OLFML1: variants seen among roughly 807,000 people sequenced by gnomAD.
The protein encoded by OLFML1 is olfactomedin-like protein 1.
A neutral mutation model predicts 37.3 loss-of-function variants in OLFML1; 33 were observed. The observed-to-expected ratio is 0.88, with a 90% CI of 0.67 to 1.18. The LOEUF is 1.18. Among genes scored for constraint, OLFML1 ranks in the 50% most tolerant of loss-of-function variants. The pLI is 0.00. For missense variants in OLFML1, 545 were observed against 483.7 expected (o/e 1.13, Z -1.19); for synonymous variants, 186 against 181.3 (o/e 1.03, Z -0.21).
intron 2 of OLFML1, 82 bp from the exon 3 acceptor site, chr11:7,509,316 T>C: frequency 4.7e-6 from 5 of 1,063,244 alleles, no homozygotes; most frequent in Non-Finnish European, 5.5e-6. Flanking sequence ...GGAAACAAGA[T>C]TTACCAAGCA....
At chr11:7,491,307 G>A (rs920628802) in intron 2 of OLFML1, among the ~76,000 whole-genome samples, 1 of 152,034 alleles carries the variant, frequency 6.6e-6, no homozygotes, top group Non-Finnish European at 1.5e-5. Context: ...TCACATATCC[G>A]ACCACACAAG....
intron 2 of OLFML1, among the ~76,000 whole-genome samples, chr11:7,499,169 G>T (rs1306529590): frequency 1.3e-5 from 2 of 152,234 alleles, no homozygotes; most frequent in African/African-American, 2.4e-5. Flanking sequence ...ATTCAAATAA[G>T]TGATACTTGT....
Position 7,485,954 on chromosome 11 carries a change from C to T in OLFML1, c.79C>T (p.Gln27Ter). The T allele has an allele frequency of 1.9e-6, 3 of 1,614,046 alleles. No individual in the cohort carries two copies. Among genetic ancestry groups the T allele is most frequent in the Non-Finnish European group, 2.5e-6 (3 of 1,179,962 alleles). Reference protein sequence around the residue: ...AAFLPPPQCTQDPAMVHYIYQ... With the variant: ...AAFLPPPQCT The stretch of plus-strand genomic sequence containing the variant: ...TTTTCTGCCCCCGCCGCAGTGTACC[C>T]AGGACCCAGCCATGGTGCATTACAT... The change falls in exon 1 of 3, where the codon CAG becomes TAG. Residue 27 changes from glutamine to a stop codon, truncating the protein, a stop_gained. Coordinates refer to ENST00000329293, the MANE Select transcript of OLFML1 (RefSeq NM_198474.4). LOFTEE classifies it high-confidence loss of function.
At chr11:7,489,951 T>A (rs1015267844) in intron 2 of OLFML1, among the ~76,000 whole-genome samples, 1 of 152,072 alleles carries the variant, frequency 6.6e-6, no homozygotes, top group African/African-American at 2.4e-5. Context: ...TACCTCCCTA[T>A]CTGTAATGTC....
At chr11:7,497,173 T>G (rs1438949915) in intron 2 of OLFML1, among the ~76,000 whole-genome samples, 1 of 152,148 alleles carries the variant, frequency 6.6e-6, no homozygotes, top group Non-Finnish European at 1.5e-5. Context: ...CCAAATAGGT[T>G]TTGTTGAGGT....
intron 2 of OLFML1, among the ~76,000 whole-genome samples, chr11:7,492,251 C>T (rs533721088): frequency 1.5e-4 from 23 of 152,302 alleles, no homozygotes; most frequent in African/African-American, 5.5e-4. Context: ...CCAACCATGG[C>T]CTCTAGAGAC....
chr11:7,487,884 A>G (rs1165174839), intron 1 of OLFML1, among the ~76,000 whole-genome samples: 1 of 152,192 alleles, frequency 6.6e-6, no homozygotes, highest in Non-Finnish European at 1.5e-5. Context: ...AACATATAGT[A>G]AAATCACATT....
In OLFML1 at chr11:7,510,417, C is replaced by G; in HGVS notation, c.*229C>G. The G allele has an allele frequency of 2.0e-6, 1 of 488,432 alleles. No homozygotes were observed. The highest frequency in any genetic ancestry group is 3.6e-6 in the Non-Finnish European group (1 of 275,346). 30.3% of individuals were successfully genotyped at this position (488,432 alleles called of 1,614,324 possible). On this transcript the variant is annotated 3_prime_UTR_variant, in exon 3 of 3. Transcript: ENST00000329293. ...GTTTCAACAATGTCCATTACTCCCC[C>G]AAACCTCCTGGCTCTCAAGGATGAC...
At chr11:7,500,076 G>A (rs558267666) in intron 2 of OLFML1, among the ~76,000 whole-genome samples, 4 of 152,136 alleles carry the variant, frequency 2.6e-5, no homozygotes, top group African/African-American at 7.2e-5. Flanking sequence ...TATTTTTTGT[G>A]GAGACGAGGT....
At position 7,509,637 on chromosome 11, in the gene OLFML1, A is replaced by T. The variant is rs746102089; in HGVS notation, c.658A>T (p.Ile220Phe). 3 of 1,614,252 alleles carry T rather than the reference A, an allele frequency of 1.9e-6. No homozygotes were observed. The highest frequency in any genetic ancestry group is 2.5e-6 in the Non-Finnish European group (3 of 1,180,046). The change falls in exon 3 of 3, where the codon ATC (isoleucine) becomes TTC (phenylalanine). Residue 220 changes from isoleucine to phenylalanine, a missense_variant. Ile to Phe is a conservative substitution (Grantham distance 21). Coordinates refer to ENST00000329293, the MANE Select transcript of OLFML1 (RefSeq NM_198474.4). ...TLSWQGTGQV[I>F]YKGFLFFHNQ... Reference sequence around the variant, plus strand: ...TTCCTGGCAGGGAACAGGCCAAGTGATCTACAAAGGTTTTCTATTTTTTCA... The same window carrying T: ...TTCCTGGCAGGGAACAGGCCAAGTGTTCTACAAAGGTTTTCTATTTTTTCA...
intron 2 of OLFML1, chr11:7,504,719 CCA>C (rs1848763622): frequency 6.6e-6 from 1 of 152,142 alleles, no homozygotes; most frequent in Non-Finnish European, 1.5e-5. Context: ...GGACTGCTGC[CCA>C]CACAGCTGGC....
intron 1 of OLFML1, among the ~76,000 whole-genome samples, chr11:7,487,644 T>C (rs866088665): frequency 6.6e-6 from 1 of 152,224 alleles, no homozygotes; most frequent in East Asian, 1.9e-4. Context: ...CAAAGGTTTT[T>C]TTTTCCCTTA....
At chr11:7,486,835 T>C (rs1447019953) in intron 1 of OLFML1, among the ~76,000 whole-genome samples, 1 of 152,224 alleles carries the variant, frequency 6.6e-6, no homozygotes, top group Admixed American at 6.5e-5. Context: ...CCAAATTATA[T>C]GTTCTTCTAG....
intron 2 of OLFML1, among the ~76,000 whole-genome samples, chr11:7,492,773 C>T (rs1386564048): frequency 6.6e-6 from 1 of 152,174 alleles, no homozygotes; most frequent in Non-Finnish European, 1.5e-5. Flanking sequence ...CATTTACACA[C>T]ATACACAATG....
At chr11:7,506,981 C>A (rs563574168) in intron 2 of OLFML1, among the ~76,000 whole-genome samples, 2 of 152,190 alleles carry the variant, frequency 1.3e-5, no homozygotes, top group East Asian at 3.9e-4. Flanking sequence ...CAGAGTATAA[C>A]CCCTGGAGGA....
intron 2 of OLFML1, among the ~76,000 whole-genome samples, chr11:7,491,075 A>G (rs11041421): frequency 6.6e-6 from 1 of 151,306 alleles, no homozygotes; most frequent in Non-Finnish European, 1.5e-5. Context: ...TTAAATATAC[A>G]TATACATATT....
Position 7,505,806 on chromosome 11 carries a change from G to A in OLFML1, c.419-3592G>A, listed in dbSNP as rs142144965. On this transcript the variant is annotated intron_variant, in intron 2 of 2. Coordinates refer to ENST00000329293, the MANE Select transcript of OLFML1 (RefSeq NM_198474.4). ...CGATCATGCCACTGCACTCTAGCCT[G>A]TCTAATAGAGTAAAAACCTGTCTCA... 4.3e-3 allele frequency among the ~76,000 whole-genome samples: 644 copies of A among 151,346 alleles called. 5 individuals are homozygous for A. Among genetic ancestry groups the A allele is most frequent in the African/African-American group, 0.015 (622 of 41,148 alleles).
chr11:7,497,757 GCTAGAAAAAC>G, intron 2 of OLFML1, among the ~76,000 whole-genome samples: 1 of 152,192 alleles, frequency 6.6e-6, no homozygotes, highest in Non-Finnish European at 1.5e-5. Context: ...GTGCTGGAAA[GCTAGAAAAAC>G]CTATGATACG....
intron 2 of OLFML1, among the ~76,000 whole-genome samples, chr11:7,494,987 C>T (rs1848645975): frequency 6.6e-6 from 1 of 152,190 alleles, no homozygotes; most frequent in South Asian, 2.1e-4. Flanking sequence ...CATTGACTTT[C>T]AAACAATAAA....
Sources: gnomAD v4.1 joint callset for allele counts (sites outside exome capture counted in the v4.1 genomes callset) on GRCh38, gnomAD v4.1.1 for gene constraint, MANE v1.5 for transcripts, NCBI Gene and HGNC (gene_info 2026-07-23, HGNC 2026-07-21) for gene names.